RPS6KB1: variants seen among roughly 807,000 people sequenced by gnomAD.
The protein encoded by RPS6KB1 is ribosomal protein S6 kinase B1.
Under a neutral mutation model 70.2 loss-of-function variants are expected in RPS6KB1, and 12 were observed. The observed-to-expected ratio is 0.17, with a 90% confidence interval of 0.11 to 0.28. The LOEUF (loss-of-function observed/expected upper bound fraction) is 0.28, where lower values mean the gene tolerates loss of function less well. Ranked by LOEUF, RPS6KB1 falls within the 10% of genes least tolerant of loss-of-function variation. The pLI, the probability that RPS6KB1 is intolerant of heterozygous loss-of-function variation, is 1.00. For synonymous variants in RPS6KB1, 175 were observed against 211.2 expected, an observed-to-expected ratio of 0.83 and a Z score of 1.49; for missense variants, 270 against 646.6, an observed-to-expected ratio of 0.42 and a Z score of 6.32.
chr17:59,899,178 T>TG (rs1246804819), intron 1 of RPS6KB1, among the ~76,000 whole-genome samples: 2 of 146,460 alleles, frequency 1.4e-5, no homozygotes, highest in Non-Finnish European at 3.0e-5. Context: ...TTCTCCAGCC[T>TG]GGGGGACAAG....
At chr17:59,922,858 A>G (rs1432425886) in intron 4 of RPS6KB1, among the ~76,000 whole-genome samples, 2 of 146,984 alleles carry the variant, frequency 1.4e-5, no homozygotes, top group African/African-American at 5.0e-5. Context: ...ACTCTCTTTT[A>G]AAAAAATTTG....
chr17:59,938,184 T>TTG (rs1568492712), intron 12 of RPS6KB1, among the ~76,000 whole-genome samples: 2 of 109,166 alleles, frequency 1.8e-5, no homozygotes, highest in African/African-American at 3.7e-5. Context: ...TTTTTTTTTT[T>TTG]GGGGGGGGGA....
At chr17:59,897,956 T>G (rs1186321678) in intron 1 of RPS6KB1, among the ~76,000 whole-genome samples, 1 of 149,116 alleles carries the variant, frequency 6.7e-6, no homozygotes, top group African/African-American at 2.5e-5. Context: ...CACAGTGAGA[T>G]TCCGTCTCAA....
intron 4 of RPS6KB1, among the ~76,000 whole-genome samples, chr17:59,919,013 G>T (rs1052408968): frequency 5.3e-5 from 8 of 151,628 alleles, no homozygotes; most frequent in South Asian, 2.1e-4. Flanking sequence ...TGCATTTTTA[G>T]TAGTGACAGG....
chr17:59,903,175 G>C (rs749585841), intron 1 of RPS6KB1, among the ~76,000 whole-genome samples: 4 of 151,888 alleles, frequency 2.6e-5, no homozygotes, highest in Admixed American at 1.3e-4. Context: ...GCGTGGTGGC[G>C]GGTGCCTGTA....
chr17:59,909,921 G>T (rs988079893), intron 1 of RPS6KB1, among the ~76,000 whole-genome samples: 3 of 151,822 alleles, frequency 2.0e-5, no homozygotes, highest in Non-Finnish European at 4.4e-5. Flanking sequence ...CTGAGGCAGG[G>T]GAATCACTTG....
At position 59,914,452 on chromosome 17, in the gene RPS6KB1, G is replaced by A. The variant is rs113758803; in HGVS notation, c.313-183G>A. ...TGGTCATTGTCCAACATTACCACCA[G>A]ATGGCAGCAGAACAAACAGGAAAGT... On this transcript the variant is annotated intron_variant, in intron 3 of 14. Coordinates refer to ENST00000225577, the MANE Select transcript of RPS6KB1 (RefSeq NM_003161.4). 4.3e-4 allele frequency among the ~76,000 whole-genome samples: 65 copies of A among 152,306 alleles called. 1 individual carries two copies. The highest frequency in any genetic ancestry group is 1.6e-3 in the African/African-American group (65 of 41,576).
chr17:59,913,723 C>CA (rs1475351624), intron 3 of RPS6KB1: 4 of 152,172 alleles, frequency 2.6e-5, no homozygotes, highest in African/African-American at 9.7e-5. Flanking sequence ...ATTTTTGAGA[C>CA]AGAGTCTCGT....
chr17:59,936,545 A>G lies in RPS6KB1; in HGVS notation c.1119+4A>G. On this transcript the variant is annotated splice_donor_region_variant and intron_variant, in intron 12 of 14. Coordinates refer to ENST00000225577, the MANE Select transcript of RPS6KB1 (RefSeq NM_003161.4). The stretch of plus-strand genomic sequence containing the variant: ...GCCCCCCTTTAAACCTCTGTTGGTA[A>G]GTATACATGAAAGTGTATAATTGGG... The G allele has an allele frequency of 6.2e-7, 1 of 1,611,416 alleles. No individual in the cohort carries two copies. The highest frequency in any genetic ancestry group is 8.5e-7 in the Non-Finnish European group (1 of 1,177,598).
chr17:59,924,108 C>T lies in RPS6KB1; in HGVS notation c.382-2327C>T, dbSNP rs530746252. ...CAGCACTTTGGGAGGCCAAGGCGGG[C>T]GGATCATGAGCTCAGTTCGAAACCA... On this transcript the variant is annotated intron_variant, in intron 4 of 14. Coordinates refer to ENST00000225577, the MANE Select transcript of RPS6KB1 (RefSeq NM_003161.4). Among the ~76,000 whole-genome samples, 6 of 152,160 alleles carry T rather than the reference C, an allele frequency of 3.9e-5. No homozygotes were observed. In the South Asian group the frequency reaches 8.3e-4, roughly 21 times the overall value.
intron 4 of RPS6KB1, among the ~76,000 whole-genome samples, chr17:59,915,831 G>A (rs1043414430): frequency 8.3e-6 from 1 of 120,432 alleles, no homozygotes; most frequent in Non-Finnish European, 1.6e-5. Context: ...TGTTGCCCAG[G>A]CTGGAGTGCA....
chr17:59,894,079 A>G (rs72838892), intron 1 of RPS6KB1, among the ~76,000 whole-genome samples: 1 of 152,064 alleles, frequency 6.6e-6, no homozygotes, highest in Admixed American at 6.6e-5. Flanking sequence ...GGAAAAAAAA[A>G]CCAAAAACCA....
chr17:59,896,113 G>T (rs2041542870), intron 1 of RPS6KB1, among the ~76,000 whole-genome samples: 1 of 152,166 alleles, frequency 6.6e-6, no homozygotes, highest in Non-Finnish European at 1.5e-5. Flanking sequence ...AGCAGGGCAG[G>T]GGAGAAAACT....
chr17:59,946,357 C>T lies in RPS6KB1; in HGVS notation c.1341-194C>T, dbSNP rs957557786. Reference sequence around the variant, plus strand: ...GGGTCAGGTGTAGAGGTAAAGAGACCAGTTAGGAAATTCTAGCAGTTAATC... The same window carrying T: ...GGGTCAGGTGTAGAGGTAAAGAGACTAGTTAGGAAATTCTAGCAGTTAATC... On this transcript the variant is annotated intron_variant, in intron 14 of 14. Transcript: ENST00000225577. This position sits in a 1 kb window ranked among gnomAD's most constrained non-coding sequence, Gnocchi z 4.2. 2.0e-5 allele frequency among the ~76,000 whole-genome samples: 3 copies of T among 151,790 alleles called. No homozygotes were observed. The highest frequency in any genetic ancestry group is 7.3e-5 in the African/African-American group (3 of 41,286).
chr17:59,916,532 A>AC (rs1831976137), intron 4 of RPS6KB1, among the ~76,000 whole-genome samples: 1 of 152,236 alleles, frequency 6.6e-6, no homozygotes, highest in South Asian at 2.1e-4. Flanking sequence ...ACAACTTTGT[A>AC]AAACACCTTT....
chr17:59,914,142 G>A (rs2042808626), intron 3 of RPS6KB1, among the ~76,000 whole-genome samples: 1 of 152,164 alleles, frequency 6.6e-6, no homozygotes, highest in Admixed American at 6.6e-5. Context: ...TTAAGTAATA[G>A]GTAAACAGTA....
rs751971471 is a variant in RPS6KB1 at position 59,894,422 on chromosome 17, A to G, written c.141+1097A>G. Among the ~76,000 whole-genome samples, 9 of 152,186 alleles carry G rather than the reference A, an allele frequency of 5.9e-5. No individual in the cohort carries two copies. The South Asian group carries it at 6.2e-4, about 10-fold the overall frequency. ...TAAATTCCAATGTCTAGTTGAATAC[A>G]TGGGTTAATGACGTCAGATGTTTGC... On this transcript the variant is annotated intron_variant, in intron 1 of 14. Transcript: ENST00000225577.
At chr17:59,911,328 A>T (rs1388946248) in intron 2 of RPS6KB1, among the ~76,000 whole-genome samples, 6 of 152,166 alleles carry the variant, frequency 3.9e-5, no homozygotes, top group South Asian at 2.1e-4. Flanking sequence ...AAGCATTTAA[A>T]TGACAGAGAC....
rs765983242 is a variant in RPS6KB1, at chr17:59,947,709, C to T, written c.*921C>T. On this transcript the variant is annotated 3_prime_UTR_variant, in exon 15 of 15. Coordinates refer to ENST00000225577, the MANE Select transcript of RPS6KB1 (RefSeq NM_003161.4). ...AAAAAATCGCCACCTGTTCTTACACCAGTATTTGGTTCAAGACACCAAATG... is the reference window on the plus strand; with the variant it reads ...AAAAAATCGCCACCTGTTCTTACACTAGTATTTGGTTCAAGACACCAAATG... 8.5e-6 allele frequency: 6 copies of T among 706,076 alleles called. No homozygotes were observed. Among genetic ancestry groups the T allele is most frequent in the Non-Finnish European group, 1.5e-5 (6 of 388,258 alleles). The allele number at this position is 706,076 out of a possible 1,614,324, so 43.7% of individuals were successfully genotyped here.
Sources: allele counts gnomAD v4.1 joint callset (sites outside exome capture counted in the v4.1 genomes callset), GRCh38; gene constraint gnomAD v4.1.1; non-coding constraint Gnocchi (gnomAD v3.1); transcripts MANE v1.5; gene names NCBI Gene and HGNC (gene_info 2026-07-23, HGNC 2026-07-21).